MGAT4C: variants seen among roughly 807,000 people sequenced by gnomAD.
MGAT4C encodes the protein MGAT4 family member C.
MGAT4C carries 19 observed loss-of-function variants against 40.1 expected under a neutral mutation model. The observed-to-expected ratio is 0.47, with a 90% CI of 0.33 to 0.70. The LOEUF (loss-of-function observed/expected upper bound fraction) is 0.70. Ranked by LOEUF, MGAT4C falls within the 30% of genes least tolerant of loss-of-function variation. MGAT4C has a pLI of 0.02. For synonymous variants in MGAT4C, 181 were observed against 187.1 expected, an observed-to-expected ratio of 0.97 and a Z score of 0.27; for missense variants, 491 against 563.2, an observed-to-expected ratio of 0.87 and a Z score of 1.30.
At chr12:86,694,630 T>A (rs935136839) in intron 2 of MGAT4C, among the ~76,000 whole-genome samples, 1 of 152,200 alleles carries the variant, frequency 6.6e-6, no homozygotes, top group African/African-American at 2.4e-5. Context: ...ACTTTAGAAG[T>A]GACCGCAATC....
chr12:86,771,686 A>ATATG (rs1169436101), intron 1 of MGAT4C, among the ~76,000 whole-genome samples: 1 of 146,756 alleles, frequency 6.8e-6, no homozygotes, highest in Non-Finnish European at 1.5e-5. Flanking sequence ...ATAAATATAT[A>ATATG]TGTGTGTGTG....
At chr12:86,304,238 A>G (rs1342236976) in intron 4 of MGAT4C, among the ~76,000 whole-genome samples, 3 of 150,552 alleles carry the variant, frequency 2.0e-5, no homozygotes, top group Admixed American at 1.3e-4. Flanking sequence ...CTGGCAGATA[A>G]GCTTTTTTTG....
intron 1 of MGAT4C, among the ~76,000 whole-genome samples, chr12:86,093,822 A>G (rs893241596): frequency 6.6e-6 from 1 of 152,156 alleles, no homozygotes; most frequent in Non-Finnish European, 1.5e-5. Flanking sequence ...GAAACGTTTC[A>G]TGTTTTCTCA....
intron 1 of MGAT4C, among the ~76,000 whole-genome samples, chr12:86,821,091 G>A (rs1952697296): frequency 6.6e-6 from 1 of 150,878 alleles, no homozygotes; most frequent in South Asian, 2.1e-4. Flanking sequence ...GTGTAAACAA[G>A]GCATTCAAGA....
At chr12:86,511,955 G>C (rs934712168) in intron 2 of MGAT4C, among the ~76,000 whole-genome samples, 1 of 151,958 alleles carries the variant, frequency 6.6e-6, no homozygotes, top group African/African-American at 2.4e-5. Flanking sequence ...GATTGAAAAG[G>C]CAATTTATGA....
chr12:86,258,469 C>A (rs1952588243), upstream of MGAT4C, among the ~76,000 whole-genome samples: 1 of 151,984 alleles, frequency 6.6e-6, no homozygotes, highest in Admixed American at 6.6e-5. Flanking sequence ...AGAAATACAG[C>A]AATATAAAGA....
chr12:86,562,367 G>T (rs1280089630), intron 2 of MGAT4C, among the ~76,000 whole-genome samples: 1 of 152,122 alleles, frequency 6.6e-6, no homozygotes, highest in Admixed American at 6.5e-5. Flanking sequence ...ATGGGACCCT[G>T]CCACTTGGAA....
intron 3 of MGAT4C, among the ~76,000 whole-genome samples, chr12:86,335,827 A>G (rs1184736339): frequency 6.6e-6 from 1 of 152,104 alleles, no homozygotes; most frequent in Non-Finnish European, 1.5e-5. Context: ...AAATGTAATC[A>G]TTTATCATGA....
chr12:86,319,364 T>G (rs1954322062), intron 4 of MGAT4C, among the ~76,000 whole-genome samples: 1 of 152,140 alleles, frequency 6.6e-6, no homozygotes, highest in Non-Finnish European at 1.5e-5. Flanking sequence ...CATACATGCA[T>G]AAGAAATCTC....
chr12:86,419,414 A>G (rs1956780518), intron 3 of MGAT4C, among the ~76,000 whole-genome samples: 1 of 151,200 alleles, frequency 6.6e-6, no homozygotes, highest in African/African-American at 2.4e-5. Flanking sequence ...ATACATACAT[A>G]AATTTTAAAT....
intron 2 of MGAT4C, among the ~76,000 whole-genome samples, chr12:86,623,686 T>C (rs1198750636): frequency 6.6e-6 from 1 of 152,128 alleles, no homozygotes; most frequent in East Asian, 1.9e-4. Context: ...TGTTTGTCCA[T>C]AAAAGCAAAA....
chr12:86,135,301 A>G (rs1205374731), intron 1 of MGAT4C, among the ~76,000 whole-genome samples: 3 of 152,208 alleles, frequency 2.0e-5, no homozygotes, highest in Non-Finnish European at 2.9e-5. Flanking sequence ...AGACGTTTCT[A>G]GAAGTATGGT....
At chr12:86,239,872 G>C (rs1298059491) in intron 1 of MGAT4C, among the ~76,000 whole-genome samples, 1 of 131,000 alleles carries the variant, frequency 7.6e-6, no homozygotes, top group Non-Finnish European at 1.6e-5. Flanking sequence ...TCTGGGGACT[G>C]TGGTGGGGTC....
At chr12:86,715,479 T>C (rs1186977115) in intron 2 of MGAT4C, among the ~76,000 whole-genome samples, 3 of 152,092 alleles carry the variant, frequency 2.0e-5, no homozygotes, top group Admixed American at 2.0e-4. Context: ...AAGCTGTATG[T>C]TTTTCTGTAT....
chr12:86,565,271 G>A (rs1960041177), intron 2 of MGAT4C, among the ~76,000 whole-genome samples: 1 of 152,138 alleles, frequency 6.6e-6, no homozygotes, highest in South Asian at 2.1e-4. Flanking sequence ...ACATGAAGAA[G>A]TGGCTCAAAT....
chr12:86,498,273 T>C (rs1958277908), intron 2 of MGAT4C, among the ~76,000 whole-genome samples: 1 of 151,610 alleles, frequency 6.6e-6, no homozygotes, highest in Non-Finnish European at 1.5e-5. Context: ...ATATATACAG[T>C]TGACCCTTGA....
At chr12:86,795,555 T>C (rs1280680136) in intron 1 of MGAT4C, among the ~76,000 whole-genome samples, 1 of 151,474 alleles carries the variant, frequency 6.6e-6, no homozygotes, top group Non-Finnish European at 1.5e-5. Flanking sequence ...AAAAACGGCA[T>C]TGAAGTCAAT....
intron 4 of MGAT4C, among the ~76,000 whole-genome samples, chr12:86,301,488 A>C (rs1179082067): frequency 2.0e-5 from 3 of 152,222 alleles, no homozygotes; most frequent in Admixed American, 6.5e-5. Flanking sequence ...TACTTAATGA[A>C]TGATATGCTC....
intron 1 of MGAT4C, among the ~76,000 whole-genome samples, chr12:86,199,463 A>C (rs1173222043): frequency 1.3e-5 from 2 of 152,212 alleles, no homozygotes; most frequent in African/African-American, 4.8e-5. Context: ...GTTTTAAAAA[A>C]ATTCCAAGTT....
Sources: gnomAD v4.1 joint callset for allele counts (sites outside exome capture counted in the v4.1 genomes callset) on GRCh38, gnomAD v4.1.1 for gene constraint, MANE v1.5 for transcripts, NCBI Gene and HGNC (gene_info 2026-07-23, HGNC 2026-07-21) for gene names.